The following CCDC91 variants were observed in gnomAD, a reference collection of about 807,000 sequenced individuals.
CCDC91 encodes the protein coiled-coil domain-containing protein 91.
Under a neutral mutation model 63.2 loss-of-function variants are expected in CCDC91, and 48 were observed. The ratio of observed to expected loss-of-function variants is 0.76; its 90% CI spans 0.60 to 0.97. The LOEUF (loss-of-function observed/expected upper bound fraction) is 0.97. Among genes scored for constraint, CCDC91 ranks in the 50% least tolerant of loss-of-function variants. The pLI, the probability that CCDC91 is intolerant of heterozygous loss-of-function variation, is 0.00. For missense variants in CCDC91, 500 were observed against 494.6 expected (o/e 1.01, Z -0.10); for synonymous variants, 167 against 165.8 (o/e 1.01, Z -0.06).
At chr12:28,273,306 G>A (rs1170311350) in intron 3 of CCDC91, among the ~76,000 whole-genome samples, 1 of 152,164 alleles carries the variant, frequency 6.6e-6, no homozygotes, top group East Asian at 1.9e-4. Flanking sequence ...ACATACGTGT[G>A]CACATGTCTT....
chr12:28,369,067 C>T (rs146433667), intron 7 of CCDC91, among the ~76,000 whole-genome samples: 13 of 152,204 alleles, frequency 8.5e-5, no homozygotes, highest in South Asian at 8.3e-4. Context: ...ATCTCATGTC[C>T]TTCTCACATT....
At chr12:28,518,306 A>G (rs920026230) in intron 12 of CCDC91, among the ~76,000 whole-genome samples, 2 of 151,298 alleles carry the variant, frequency 1.3e-5, no homozygotes, top group African/African-American at 4.9e-5. Flanking sequence ...ATTTTTTTTT[A>G]AATTTCTTAT....
At chr12:28,441,057 C>CAAAAAAAAAAAA (rs60278449) in intron 8 of CCDC91, among the ~76,000 whole-genome samples, 10 of 52,700 alleles carry the variant, frequency 1.9e-4, no homozygotes, top group East Asian at 1.0e-3. Context: ...GACTCCATCT[C>CAAAAAAAAAAAA]AAAAAAAAAA....
At chr12:28,257,138 G>A (rs1946508886) in intron 1 of CCDC91, 64 bp from the exon 2 acceptor site, 2 of 908,738 alleles carry the variant, frequency 2.2e-6, no homozygotes, top group Non-Finnish European at 3.6e-6. Flanking sequence ...ATTTAAGTTG[G>A]AGAGTATTTT....
At chr12:28,353,166 T>G (rs1376295508) in intron 6 of CCDC91, among the ~76,000 whole-genome samples, 1 of 152,222 alleles carries the variant, frequency 6.6e-6, no homozygotes, top group Non-Finnish European at 1.5e-5. Flanking sequence ...AACCTCAGAT[T>G]TGTCTTCCAC....
intron 6 of CCDC91, among the ~76,000 whole-genome samples, chr12:28,312,195 C>T (rs927570775): frequency 2.0e-5 from 3 of 151,618 alleles, no homozygotes; most frequent in African/African-American, 2.4e-5. Flanking sequence ...AACTTTGAGT[C>T]GGTTTTTTTT....
intron 1 of CCDC91, among the ~76,000 whole-genome samples, chr12:28,191,575 G>A (rs1267498753): frequency 1.3e-5 from 2 of 152,112 alleles, no homozygotes; most frequent in African/African-American, 2.4e-5. Context: ...TGCATGTTGC[G>A]TGGTGGAGTT....
intron 7 of CCDC91, among the ~76,000 whole-genome samples, chr12:28,369,551 G>T (rs1364474704): frequency 6.6e-6 from 1 of 152,098 alleles, no homozygotes. Flanking sequence ...TACCATTCTG[G>T]GGTCTCAAAG....
chr12:28,325,375 C>G (rs1255879561), intron 6 of CCDC91, among the ~76,000 whole-genome samples: 1 of 151,932 alleles, frequency 6.6e-6, no homozygotes, highest in Non-Finnish European at 1.5e-5. Flanking sequence ...TTAAAAGATG[C>G]CTTCTATGTT....
rs1952067691 is a variant in CCDC91, at chr12:28,492,527, T to TG, written c.1215+8362_1215+8363insG. ...ATTTGATCCAGTGCTTTTTCTACTA[T>TG]ATCACACCAGTGGCCCTTGTCAACT... On this transcript the variant is annotated intron_variant, in intron 12 of 12. Coordinates refer to ENST00000536442, the MANE Select transcript of CCDC91 (RefSeq NM_018318.5). Among the ~76,000 whole-genome samples, 4 of 151,708 alleles carry TG rather than the reference T, an allele frequency of 2.6e-5. No individual in the cohort carries two copies. The South Asian group carries it at 8.3e-4, about 31-fold the overall frequency.
chr12:28,486,504 A>G (rs1451133733), intron 12 of CCDC91, among the ~76,000 whole-genome samples: 1 of 152,122 alleles, frequency 6.6e-6, no homozygotes, highest in Non-Finnish European at 1.5e-5. Context: ...TCATAAGATT[A>G]TTTTAGACTA....
chr12:28,302,931 G>A (rs1938239002), intron 3 of CCDC91: 1 of 152,096 alleles, frequency 6.6e-6, no homozygotes, highest in African/African-American at 2.4e-5. Flanking sequence ...GGAATATTCA[G>A]TACAGTGAGA....
intron 11 of CCDC91, among the ~76,000 whole-genome samples, chr12:28,482,435 G>C (rs146252622): frequency 6.6e-6 from 1 of 151,892 alleles, no homozygotes; most frequent in African/African-American, 2.4e-5. Context: ...AAGACTTTCA[G>C]AATTTTCAGT....
At chr12:28,201,272 C>T (rs879106917) in intron 1 of CCDC91, among the ~76,000 whole-genome samples, 14 of 145,004 alleles carry the variant, frequency 9.7e-5, no homozygotes, top group Admixed American at 4.2e-4. Flanking sequence ...ACTTCTCAGA[C>T]GGGCGGTTGC....
chr12:28,508,944 T>C (rs1029961032), intron 12 of CCDC91, among the ~76,000 whole-genome samples: 3 of 151,978 alleles, frequency 2.0e-5, no homozygotes, highest in Non-Finnish European at 4.4e-5. Context: ...TTACAGGATA[T>C]GATCTCCAAG....
At position 28,497,887 on chromosome 12, in the gene CCDC91, A is replaced by G. The variant is rs141151263; in HGVS notation, c.1215+13722A>G. Among the ~76,000 whole-genome samples the G allele has an allele frequency of 2.2e-4, 33 of 151,718 alleles. No individual in the cohort carries two copies. In the East Asian group the frequency reaches 5.5e-3, roughly 25 times the overall value. On this transcript the variant is annotated intron_variant, in intron 12 of 12. Coordinates refer to ENST00000536442, the MANE Select transcript of CCDC91 (RefSeq NM_018318.5). ...TTCGTTTAAGCTTTAGTGTGACTATAATGTATTCAACCCTTTGCTTTTGTC... is the reference window on the plus strand; with the variant it reads ...TTCGTTTAAGCTTTAGTGTGACTATGATGTATTCAACCCTTTGCTTTTGTC...
At chr12:28,532,949 G>A in intron 12 of CCDC91, among the ~76,000 whole-genome samples, 3 of 151,994 alleles carry the variant, frequency 2.0e-5, no homozygotes, top group African/African-American at 7.2e-5. Flanking sequence ...TATTGAGATG[G>A]GTCAGTATAA....
intron 3 of CCDC91, among the ~76,000 whole-genome samples, chr12:28,269,206 G>A (rs1380595773): frequency 6.6e-6 from 1 of 151,436 alleles, no homozygotes; most frequent in Non-Finnish European, 1.5e-5. Context: ...TTAAAGGTTG[G>A]GCATTTGAGC....
chr12:28,207,925 A>G (rs1017091098), intron 1 of CCDC91, among the ~76,000 whole-genome samples: 3 of 152,222 alleles, frequency 2.0e-5, no homozygotes, highest in African/African-American at 4.8e-5. Flanking sequence ...GACTTAGACC[A>G]TGGATTTTAT....
Sources: gnomAD v4.1 joint callset for allele counts (sites outside exome capture counted in the v4.1 genomes callset) on GRCh38, gnomAD v4.1.1 for gene constraint, MANE v1.5 for transcripts, NCBI Gene and HGNC (gene_info 2026-07-23, HGNC 2026-07-21) for gene names.